Variants in IGSF11 observed in about 807,000 individuals in gnomAD.
IGSF11 encodes immunoglobulin superfamily member 11.
A neutral mutation model predicts 41.0 loss-of-function variants in IGSF11; 22 were observed. The observed-to-expected ratio is 0.54, with a 90% confidence interval of 0.38 to 0.77. The LOEUF (loss-of-function observed/expected upper bound fraction) is 0.77, where lower values mean the gene tolerates loss of function less well. Ranked by LOEUF, IGSF11 falls within the 30% of genes least tolerant of loss-of-function variation. The pLI is 0.00. For missense variants in IGSF11, 444 were observed against 530.8 expected (o/e 0.84, Z 1.61); for synonymous variants, 219 against 201.3 (o/e 1.09, Z -0.74).
intron 1 of IGSF11, among the ~76,000 whole-genome samples, chr3:118,933,720 T>C (rs1943043948): frequency 6.6e-6 from 1 of 152,140 alleles, no homozygotes; most frequent in South Asian, 2.1e-4. Flanking sequence ...AATCATTCCA[T>C]ATGTGTTTGC....
intron 1 of IGSF11, among the ~76,000 whole-genome samples, chr3:119,083,519 C>CACACACACACACAA (rs2076618934): frequency 8.6e-6 from 1 of 116,536 alleles, no homozygotes; most frequent in Non-Finnish European, 1.8e-5. Flanking sequence ...CACACACACA[C>CACACACACACACAA]ACACACACAC....
At chr3:119,066,428 T>C (rs1011918071) in intron 1 of IGSF11, among the ~76,000 whole-genome samples, 1 of 152,242 alleles carries the variant, frequency 6.6e-6, no homozygotes, top group African/African-American at 2.4e-5. Flanking sequence ...CTGTAATCTC[T>C]TCAAATATTC....
chr3:118,903,319 T>C (rs1939147304), intron 6 of IGSF11, among the ~76,000 whole-genome samples: 1 of 151,844 alleles, frequency 6.6e-6, no homozygotes, highest in Non-Finnish European at 1.5e-5. Flanking sequence ...CAAATCTTGC[T>C]TTATATATAT....
intron 1 of IGSF11, among the ~76,000 whole-genome samples, chr3:119,087,684 G>A (rs149380345): frequency 0.03 from 4,602 of 151,974 alleles, 211 homozygotes; most frequent in African/African-American, 0.11. Flanking sequence ...ACACTGCTTG[G>A]GTGATGGGTG....
chr3:119,125,024 G>A (rs2077383419), intron 1 of IGSF11, among the ~76,000 whole-genome samples: 1 of 151,968 alleles, frequency 6.6e-6, no homozygotes, highest in South Asian at 2.1e-4. Flanking sequence ...AATGCCAAAG[G>A]AAAAAAACTT....
At chr3:119,136,697 C>A (rs771836736) in intron 1 of IGSF11, among the ~76,000 whole-genome samples, 3 of 152,062 alleles carry the variant, frequency 2.0e-5, no homozygotes, top group Non-Finnish European at 2.9e-5. Flanking sequence ...AGGAAATAAA[C>A]CCCAGTACAT....
At chr3:119,127,064 G>C (rs1291750825) in intron 1 of IGSF11, among the ~76,000 whole-genome samples, 2 of 151,956 alleles carry the variant, frequency 1.3e-5, no homozygotes, top group Non-Finnish European at 2.9e-5. Flanking sequence ...TTGGAAGATG[G>C]GTACTAAAAA....
chr3:119,104,449 C>T (rs1005851983), intron 1 of IGSF11, among the ~76,000 whole-genome samples: 1 of 152,164 alleles, frequency 6.6e-6, no homozygotes, highest in African/African-American at 2.4e-5. Flanking sequence ...CTCCCATTCA[C>T]TTCTTAAATC....
At chr3:119,097,672 T>G (rs1482127584) in intron 1 of IGSF11, among the ~76,000 whole-genome samples, 1 of 152,206 alleles carries the variant, frequency 6.6e-6, no homozygotes, top group African/African-American at 2.4e-5. Context: ...TTCCTCAAAC[T>G]GTTCAAGAAT....
chr3:119,065,688 G>T (rs1040067723), intron 1 of IGSF11, among the ~76,000 whole-genome samples: 9 of 151,414 alleles, frequency 5.9e-5, no homozygotes, highest in Non-Finnish European at 1.3e-4. Context: ...AGCTACTCGG[G>T]AGGCTGAAAC....
At chr3:119,111,445 T>C (rs973786344) in intron 1 of IGSF11, among the ~76,000 whole-genome samples, 1 of 152,184 alleles carries the variant, frequency 6.6e-6, no homozygotes, top group African/African-American at 2.4e-5. Flanking sequence ...GCTCCATCAG[T>C]TCCTTTAAGC....
chr3:118,904,004 G>C (rs1005366478), intron 6 of IGSF11, among the ~76,000 whole-genome samples: 4 of 152,206 alleles, frequency 2.6e-5, no homozygotes, highest in Admixed American at 2.6e-4. Context: ...TGAGAGTGAT[G>C]AGAGAGAAGA....
chr3:118,965,347 A>C (rs1945596454), intron 1 of IGSF11, among the ~76,000 whole-genome samples: 1 of 152,070 alleles, frequency 6.6e-6, no homozygotes, highest in African/African-American at 2.4e-5. Context: ...TAAGGAGTAT[A>C]AAAAATAAAG....
At chr3:119,121,379 G>A (rs1166446674) in intron 1 of IGSF11, among the ~76,000 whole-genome samples, 2 of 152,038 alleles carry the variant, frequency 1.3e-5, no homozygotes, top group Admixed American at 6.6e-5. Context: ...TTATTAACAG[G>A]AACCAAATGA....
chr3:119,022,738 C>A (rs992636567), intron 1 of IGSF11, among the ~76,000 whole-genome samples: 1 of 152,048 alleles, frequency 6.6e-6, no homozygotes, highest in Non-Finnish European at 1.5e-5. Flanking sequence ...ATTGACAATA[C>A]CTAGTGTTCA....
At chr3:119,130,688 G>GTCCCTGCT (rs1367970259) in intron 1 of IGSF11, among the ~76,000 whole-genome samples, 214 of 152,314 alleles carry the variant, frequency 1.4e-3, no homozygotes, top group Non-Finnish European at 2.5e-3. Context: ...CTGTCTGACA[G>GTCCCTGCT]CTCTGAAGAG....
intron 4 of IGSF11, among the ~76,000 whole-genome samples, chr3:118,913,508 C>G (rs1940618506): frequency 6.6e-6 from 1 of 152,160 alleles, no homozygotes; most frequent in South Asian, 2.1e-4. Context: ...GAAACATTTT[C>G]AAATTCTTGA....
In IGSF11 at chr3:118,904,685, T is replaced by C. The variant is rs1484639939; in HGVS notation, c.817A>G (p.Lys273Glu). ...GAFFYWRSKN[K>E]EEEEEEIPNE... ...GGAATTTCTTCTTCTTCCTCCTCTT[T>C]ATTTTTGCTTCTCCAGTAAAAGAAT... is the stretch of plus-strand genomic sequence containing the variant. Residue 273 changes from lysine to glutamate, a missense_variant, in exon 6 of 7, where the codon AAA (lysine) becomes GAA (glutamate). Transcript: ENST00000393775. 3 of 1,612,276 alleles carry C rather than the reference T, an allele frequency of 1.9e-6. No individual in the cohort carries two copies. Among genetic ancestry groups the C allele is most frequent in the South Asian group, 1.1e-5 (1 of 90,708 alleles).
intron 1 of IGSF11, among the ~76,000 whole-genome samples, chr3:119,135,048 C>T (rs1234020288): frequency 2.0e-5 from 3 of 152,030 alleles, no homozygotes; most frequent in Non-Finnish European, 2.9e-5. Context: ...TTACACCTTA[C>T]AGAAAAATTA....
Sources: allele counts gnomAD v4.1 joint callset (sites outside exome capture counted in the v4.1 genomes callset), GRCh38; gene constraint gnomAD v4.1.1; transcripts MANE v1.5; gene names NCBI Gene and HGNC (gene_info 2026-07-23, HGNC 2026-07-21).